Variants in CCDC88C observed in about 807,000 individuals in gnomAD.
CCDC88C encodes coiled-coil and HOOK domain protein 88C, also known as protein Daple.
Under a neutral mutation model 198.8 loss-of-function variants are expected in CCDC88C, and 131 were observed. The ratio of observed to expected loss-of-function variants is 0.66; its 90% CI spans 0.57 to 0.76. The LOEUF (loss-of-function observed/expected upper bound fraction) is 0.76, where lower values mean the gene tolerates loss of function less well. Among genes scored for constraint, CCDC88C ranks in the 30% least tolerant of loss-of-function variants. The probability of loss-of-function intolerance (pLI) is 0.00; values close to 1 mark genes in which losing one functional copy is unlikely to be tolerated. For synonymous variants in CCDC88C, 1,166 were observed against 1,114.7 expected, an observed-to-expected ratio of 1.05 and a Z score of -0.92; for missense variants, 2,553 against 2,631.6, an observed-to-expected ratio of 0.97 and a Z score of 0.65.
chr14:91,409,237 G>A (rs1886675432), intron 2 of CCDC88C, among the ~76,000 whole-genome samples: 1 of 151,454 alleles, frequency 6.6e-6, no homozygotes, highest in African/African-American at 2.4e-5. Flanking sequence ...CACCCAGTCT[G>A]GCATGCAGTG....
At chr14:91,293,377 C>T (rs368713844) in intron 23 of CCDC88C, among the ~76,000 whole-genome samples, 1,789 of 5,880 alleles carry the variant, frequency 0.3, 261 homozygotes, top group Admixed American at 0.34. Context: ...CACCTTCCTG[C>T]CCCCTCGCCT....
chr14:91,300,730 A>C (rs1238861893), intron 20 of CCDC88C, among the ~76,000 whole-genome samples: 2 of 152,106 alleles, frequency 1.3e-5, no homozygotes, highest in African/African-American at 2.4e-5. Context: ...TCCAGGCTCT[A>C]ATCTATCTTT....
At chr14:91,276,429 C>T (rs1157973707) in intron 29 of CCDC88C, among the ~76,000 whole-genome samples, 1 of 152,258 alleles carries the variant, frequency 6.6e-6, no homozygotes, top group Non-Finnish European at 1.5e-5. Context: ...AAGGCCAGGG[C>T]CATGTTTTAT....
At chr14:91,316,741 C>T (rs1892116081) in intron 13 of CCDC88C, among the ~76,000 whole-genome samples, 1 of 152,196 alleles carries the variant, frequency 6.6e-6, no homozygotes, top group Admixed American at 6.5e-5. Context: ...GCTGTTGCTT[C>T]TGGTCTAAAG....
At chr14:91,390,467 G>A (rs1039096385) in intron 3 of CCDC88C, among the ~76,000 whole-genome samples, 2 of 152,164 alleles carry the variant, frequency 1.3e-5, no homozygotes, top group African/African-American at 4.8e-5. Flanking sequence ...TCTCAGAGGC[G>A]CTCCTGTTCA....
intron 3 of CCDC88C, among the ~76,000 whole-genome samples, chr14:91,386,095 A>C (rs1333979308): frequency 6.6e-6 from 1 of 151,742 alleles, no homozygotes; most frequent in African/African-American, 2.4e-5. Context: ...TCTACTTCAC[A>C]CTCTTTATAG....
chr14:91,334,186 C>T (rs568567514), intron 10 of CCDC88C, among the ~76,000 whole-genome samples: 2 of 152,358 alleles, frequency 1.3e-5, no homozygotes, highest in South Asian at 2.1e-4. Flanking sequence ...AAACATACCT[C>T]GTACTTGGGT....
At chr14:91,333,987 AT>A (rs1198618649) in intron 10 of CCDC88C, among the ~76,000 whole-genome samples, 3 of 152,254 alleles carry the variant, frequency 2.0e-5, no homozygotes, top group Non-Finnish European at 4.4e-5. Context: ...TTTACTTGGA[AT>A]ACCTCTTCTA....
In CCDC88C at chr14:91,272,518, C is replaced by T; in HGVS notation, c.*107G>A. ...GCAGAAATGCGTGGGAACCCCTTTC[C>T]TCATTCCAAACCCTCTCCTGGCACC... On this transcript the variant is annotated 3_prime_UTR_variant, in exon 30 of 30. Coordinates refer to ENST00000389857, the MANE Select transcript of CCDC88C (RefSeq NM_001080414.4). The T allele has an allele frequency of 8.3e-7, 1 of 1,208,478 alleles. No homozygotes were observed. The highest frequency in any genetic ancestry group is 1.2e-6 in the Non-Finnish European group (1 of 864,650). 74.9% of individuals were successfully genotyped at this position (1,208,478 alleles called of 1,614,324 possible).
intron 10 of CCDC88C, among the ~76,000 whole-genome samples, chr14:91,336,013 C>T (rs1893028646): frequency 6.6e-6 from 1 of 152,216 alleles, no homozygotes; most frequent in Non-Finnish European, 1.5e-5. Context: ...CTACCTATCC[C>T]TGAGTAAATG....
intron 4 of CCDC88C, among the ~76,000 whole-genome samples, chr14:91,350,973 A>G (rs557461067): frequency 6.6e-6 from 1 of 152,262 alleles, no homozygotes; most frequent in Admixed American, 6.5e-5. Flanking sequence ...CGGGTCCACC[A>G]CTACCTACCA....
At chr14:91,323,476 AG>A (rs1374070736) in intron 12 of CCDC88C, among the ~76,000 whole-genome samples, 1 of 152,234 alleles carries the variant, frequency 6.6e-6, no homozygotes, top group African/African-American at 2.4e-5. Context: ...AGAGAAGCCA[AG>A]GCTTTATGCC....
intron 4 of CCDC88C, among the ~76,000 whole-genome samples, chr14:91,345,183 TATATATA>T (rs1290683228): frequency 2.8e-5 from 2 of 70,186 alleles, no homozygotes; most frequent in Admixed American, 1.5e-4. Context: ...TATATATATA[TATATATA>T]TTTTTTTTTT....
At chr14:91,362,421 C>A (rs1894352845) in intron 3 of CCDC88C, among the ~76,000 whole-genome samples, 10 of 144,700 alleles carry the variant, frequency 6.9e-5, no homozygotes, top group Admixed American at 6.9e-4. Context: ...TATGTGAAAT[C>A]ATCCTGTTTT....
chr14:91,330,679 C>T (rs752007867), intron 10 of CCDC88C, among the ~76,000 whole-genome samples: 1 of 152,124 alleles, frequency 6.6e-6, no homozygotes, highest in Non-Finnish European at 1.5e-5. Flanking sequence ...CTGGCTTGAG[C>T]ACCCGAGTGG....
intron 3 of CCDC88C, among the ~76,000 whole-genome samples, chr14:91,387,631 G>A (rs189177553): frequency 6.6e-5 from 10 of 152,234 alleles, no homozygotes; most frequent in Non-Finnish European, 1.2e-4. Flanking sequence ...GCCTCCTCCC[G>A]TCGCTCTGAC....
chr14:91,283,633 C>T (rs1200695029), intron 25 of CCDC88C, 116 bp from the exon 26 acceptor site: 7 of 995,220 alleles, frequency 7.0e-6, no homozygotes, highest in South Asian at 3.3e-5. Context: ...GAGACAAAAG[C>T]GGGGCTGCCA....
intron 15 of CCDC88C, 128 bp from the exon 16 acceptor site, chr14:91,310,114 G>A: frequency 1.1e-6 from 1 of 903,308 alleles, no homozygotes; most frequent in Non-Finnish European, 1.6e-6. Context: ...GGAGCGAGGG[G>A]ACTCTGAACC....
chr14:91,308,609 G>A (rs915373231), intron 16 of CCDC88C, 117 bp from the exon 17 acceptor site: 5 of 1,104,162 alleles, frequency 4.5e-6, no homozygotes, highest in Non-Finnish European at 6.6e-6. Context: ...AGCTGCTGCA[G>A]CTTTTGGCCC....
Sources: gnomAD v4.1 joint callset for allele counts (sites outside exome capture counted in the v4.1 genomes callset) on GRCh38, gnomAD v4.1.1 for gene constraint, MANE v1.5 for transcripts, NCBI Gene and HGNC (gene_info 2026-07-23, HGNC 2026-07-21) for gene names.